EXOC4: variants seen among roughly 807,000 people sequenced by gnomAD.
The protein encoded by EXOC4 is SEC8-like 1.
EXOC4 carries 71 observed loss-of-function variants against 107.2 expected under a neutral mutation model. The ratio of observed to expected loss-of-function variants is 0.66; its 90% CI spans 0.55 to 0.81. The LOEUF (loss-of-function observed/expected upper bound fraction) is 0.81, where lower values mean the gene tolerates loss of function less well. Ranked by LOEUF, EXOC4 falls within the 30% of genes least tolerant of loss-of-function variation. EXOC4 has a pLI of 0.00. For synonymous variants in EXOC4, 456 were observed against 441.2 expected (o/e 1.03, Z -0.42); for missense variants, 1,108 against 1,189.6 (o/e 0.93, Z 1.01).
intron 14 of EXOC4, among the ~76,000 whole-genome samples, chr7:133,964,434 C>T (rs185445902): frequency 3.3e-5 from 5 of 152,122 alleles, no homozygotes; most frequent in East Asian, 3.9e-4. Flanking sequence ...ACCCATCAAC[C>T]GGTCATCTAC....
rs1291574357 is a variant in EXOC4 at position 133,423,108 on chromosome 7, C to G, written c.1182+48106C>G. Reference sequence around the variant, plus strand: ...TGGCGGGCGCCTGTAGTCCCAGCTACTGGGGAGGCTGAGGCAGGAGAATGG... The same window carrying G: ...TGGCGGGCGCCTGTAGTCCCAGCTAGTGGGGAGGCTGAGGCAGGAGAATGG... On this transcript the variant is annotated intron_variant, in intron 7 of 17. Transcript: ENST00000253861. Among the ~76,000 whole-genome samples the G allele has an allele frequency of 5.7e-5, 2 of 35,228 alleles. 1 individual carries two copies. The highest frequency in any genetic ancestry group is 9.3e-5 in the Non-Finnish European group (2 of 21,556). 23.1% of individuals were successfully genotyped at this position (35,228 alleles called of 152,430 possible).
chr7:133,610,777 A>G (rs1585031079), intron 9 of EXOC4, among the ~76,000 whole-genome samples: 2 of 151,212 alleles, frequency 1.3e-5, no homozygotes. Flanking sequence ...TAAAAATTTT[A>G]CTAAGAACTT....
At chr7:133,484,077 G>C (rs1216569069) in intron 9 of EXOC4, 1 of 1,613,746 alleles carries the variant, frequency 6.2e-7, no homozygotes, top group Non-Finnish European at 8.5e-7. Context: ...GACAATCAAA[G>C]TAACATTAAA....
chr7:133,619,884 C>T (rs1418242353), intron 9 of EXOC4, among the ~76,000 whole-genome samples: 1 of 152,152 alleles, frequency 6.6e-6, no homozygotes, highest in East Asian at 1.9e-4. Context: ...TTGACATACA[C>T]AAGACCACCC....
intron 10 of EXOC4, among the ~76,000 whole-genome samples, chr7:133,812,251 TA>T (rs1797250679): frequency 6.6e-6 from 1 of 152,246 alleles, no homozygotes; most frequent in Non-Finnish European, 1.5e-5. Context: ...CACCATTTAC[TA>T]AGCAGTTACT....
chr7:133,314,068 A>G (rs1006656654), intron 4 of EXOC4, among the ~76,000 whole-genome samples: 2 of 152,162 alleles, frequency 1.3e-5, no homozygotes, highest in African/African-American at 4.8e-5. Flanking sequence ...TGTTTTCAAA[A>G]AATGCTTTCT....
chr7:133,824,129 A>G (rs1311321701), intron 11 of EXOC4, among the ~76,000 whole-genome samples: 5 of 150,522 alleles, frequency 3.3e-5, no homozygotes, highest in African/African-American at 9.8e-5. Context: ...TTCTTCCCCT[A>G]TAAAATGGGA....
At chr7:133,640,205 T>G (rs1802819759) in intron 10 of EXOC4, among the ~76,000 whole-genome samples, 1 of 152,176 alleles carries the variant, frequency 6.6e-6, no homozygotes, top group Non-Finnish European at 1.5e-5. Context: ...AGTCAATCCC[T>G]TTCCCTGAGA....
rs998552131 is a variant in EXOC4 at position 133,845,581 on chromosome 7, C to T, written c.1734+28037C>T. 3.9e-5 allele frequency among the ~76,000 whole-genome samples: 6 copies of T among 151,922 alleles called. No individual in the cohort carries two copies. In the East Asian group the frequency reaches 1.2e-3, roughly 29 times the overall value. On this transcript the variant is annotated intron_variant, in intron 11 of 17. Transcript: ENST00000253861. ...TTCATGTAACTTGGTGGGCTTTCTC[C>T]CTGACAGAAGCATTTCACATATGCC...
At chr7:133,734,381 G>A (rs985010562) in intron 10 of EXOC4, among the ~76,000 whole-genome samples, 1 of 151,996 alleles carries the variant, frequency 6.6e-6, no homozygotes, top group East Asian at 1.9e-4. Flanking sequence ...AACAGGACCT[G>A]GCAGAATGTA....
At chr7:133,865,919 A>G (rs1479704877) in intron 11 of EXOC4, among the ~76,000 whole-genome samples, 1 of 152,174 alleles carries the variant, frequency 6.6e-6, no homozygotes, top group African/African-American at 2.4e-5. Flanking sequence ...CATATCATCA[A>G]TCATTGTGAA....
At chr7:133,737,247 A>T (rs551276132) in intron 10 of EXOC4, among the ~76,000 whole-genome samples, 1 of 152,122 alleles carries the variant, frequency 6.6e-6, no homozygotes, top group Non-Finnish European at 1.5e-5. Context: ...CTCCTTATTG[A>T]CTGTAATTGA....
At chr7:133,676,046 ACAGT>A (rs543626277) in intron 10 of EXOC4, among the ~76,000 whole-genome samples, 94 of 152,178 alleles carry the variant, frequency 6.2e-4, no homozygotes, top group African/African-American at 2.2e-3. Context: ...GGAACATGAG[ACAGT>A]CAGATCTGTT....
chr7:133,675,009 G>A (rs1794024631), intron 10 of EXOC4, among the ~76,000 whole-genome samples: 1 of 152,188 alleles, frequency 6.6e-6, no homozygotes, highest in African/African-American at 2.4e-5. Flanking sequence ...CATCTTAGAA[G>A]GTGATACAAA....
At chr7:133,499,957 C>T (rs1799546957) in intron 9 of EXOC4, among the ~76,000 whole-genome samples, 1 of 151,392 alleles carries the variant, frequency 6.6e-6, no homozygotes, top group African/African-American at 2.4e-5. Context: ...GGTGTGAGAA[C>T]AGACTAATAT....
chr7:133,337,337 G>A (rs1342766343), intron 5 of EXOC4, among the ~76,000 whole-genome samples: 1 of 151,996 alleles, frequency 6.6e-6, no homozygotes, highest in Non-Finnish European at 1.5e-5. Context: ...TGGAGCATTG[G>A]GACTATTTGG....
intron 5 of EXOC4, among the ~76,000 whole-genome samples, chr7:133,320,560 A>G (rs912625055): frequency 1.3e-5 from 2 of 152,278 alleles, no homozygotes; most frequent in South Asian, 4.1e-4. Context: ...CCTTAACTTT[A>G]ATTACATCTG....
rs139690750 is a variant in EXOC4 at position 133,817,263 on chromosome 7, T to C, written c.1515-62T>C. On this transcript the variant is annotated intron_variant, in intron 10 of 17. Coordinates refer to ENST00000253861, the MANE Select transcript of EXOC4 (RefSeq NM_021807.4). The stretch of plus-strand genomic sequence containing the variant: ...AACACTAGATATACTCATGTCCTCA[T>C]GTCGTATTTATATAACATTTTCCTC... 646 of 1,171,622 alleles carry C rather than the reference T, an allele frequency of 5.5e-4. 4 individuals are homozygous for C. In the African/African-American group the frequency reaches 9.2e-3, roughly 17 times the overall value. 72.6% of individuals were successfully genotyped at this position (1,171,622 alleles called of 1,614,324 possible). A position where few individuals can be genotyped will look rare whatever the true frequency, so the allele number is the denominator to read the frequency against.
In EXOC4 at chr7:133,923,615, G is replaced by C. The variant is rs570416788; in HGVS notation, c.2027+5877G>C. ...CCCATTTTAATTAGCTTGTCTGTCT[G>C]TAGCGATTTTTAAGAGTTCTTTGCA... On this transcript the variant is annotated intron_variant, in intron 13 of 17. Transcript: ENST00000253861. 1.6e-4 allele frequency among the ~76,000 whole-genome samples: 24 copies of C among 152,246 alleles called. No individual in the cohort carries two copies. The South Asian group carries it at 4.6e-3, about 29-fold the overall frequency.
Sources: allele counts gnomAD v4.1 joint callset (sites outside exome capture counted in the v4.1 genomes callset), GRCh38; gene constraint gnomAD v4.1.1; transcripts MANE v1.5; gene names NCBI Gene and HGNC (gene_info 2026-07-23, HGNC 2026-07-21).